Variants in CDHR2 observed in about 807,000 individuals in gnomAD.
CDHR2 encodes cadherin related family member 2, also known as cadherin-related family member 2.
Under a neutral mutation model 138.6 loss-of-function variants are expected in CDHR2, and 104 were observed. The observed-to-expected ratio is 0.75, with a 90% confidence interval of 0.64 to 0.88. The LOEUF is 0.88. Among genes scored for constraint, CDHR2 ranks in the 40% least tolerant of loss-of-function variants. CDHR2 has a pLI of 0.00. For missense variants in CDHR2, 1,624 were observed against 1,727.6 expected (o/e 0.94, Z 1.06); for synonymous variants, 755 against 742.8 (o/e 1.02, Z -0.27).
At chr5:176,592,835 A>C in intron 31 of CDHR2, 55 bp downstream of exon 31, 1 of 1,491,204 alleles carries the variant, frequency 6.7e-7, no homozygotes, top group Non-Finnish European at 9.4e-7. Flanking sequence ...TCTTCTGTGG[A>C]GGCTTCAGGG....
chr5:176,595,268 G>C (rs1038077114), intron 31 of CDHR2, among the ~76,000 whole-genome samples: 1 of 152,174 alleles, frequency 6.6e-6, no homozygotes, highest in Non-Finnish European at 1.5e-5. Flanking sequence ...TGGGCTGAAC[G>C]GCAGAGTGCC....
rs373539658 is a variant in CDHR2 at position 176,577,391 on chromosome 5, C to T, written c.1195-8C>T. On this transcript the variant is annotated splice_region_variant and splice_polypyrimidine_tract_variant and intron_variant, in intron 12 of 31. Transcript: ENST00000261944. ...GACAGGTCCCTGCTAGACAGCCCAC[C>T]TTTACAGGGCAGCAATGGCACCTTC... The T allele has an allele frequency of 7.3e-4, 1,173 of 1,604,164 alleles. No homozygotes were observed. Among genetic ancestry groups the T allele is most frequent in the Non-Finnish European group, 9.1e-4 (1,073 of 1,176,416 alleles).
chr5:176,574,013 G>A, intron 6 of CDHR2, 70 bp from the exon 7 acceptor site: 1 of 1,185,416 alleles, frequency 8.4e-7, no homozygotes, highest in South Asian at 1.3e-5. Flanking sequence ...TGAAGCTCAG[G>A]GGGGCAGTGA....
rs183606565 is a variant in CDHR2, at chr5:176,552,000, G to A, written c.-16+2586G>A. Among the ~76,000 whole-genome samples the A allele has an allele frequency of 2.0e-3, 311 of 152,170 alleles. 4 individuals are homozygous for A. Among genetic ancestry groups the A allele is most frequent in the Admixed American group, 5.8e-3 (89 of 15,284 alleles). On this transcript the variant is annotated intron_variant, in intron 1 of 31. Transcript: ENST00000261944. ...GCTGGGATTACAGGCGTGAGTCACC[G>A]CGCCCGGTTAATAGTTCCCATTTTT...
At chr5:176,582,933 C>T (rs573455426) in intron 17 of CDHR2, among the ~76,000 whole-genome samples, 135 of 152,316 alleles carry the variant, frequency 8.9e-4, no homozygotes, top group African/African-American at 3.1e-3. Context: ...GCACCTCTGC[C>T]GTGTCTGTGA....
At chr5:176,591,181 A>C in intron 28 of CDHR2, 29 bp from the exon 29 acceptor site, 2 of 1,477,264 alleles carry the variant, frequency 1.4e-6, no homozygotes, top group Non-Finnish European at 1.9e-6. Context: ...GTGCAGCAAC[A>C]GTGTGACCCC....
At position 176,577,510 on chromosome 5, in the gene CDHR2, T is replaced by C. The variant is rs1305579846; in HGVS notation, c.1306T>C (p.Ser436Pro). The C allele has an allele frequency of 6.2e-7, 1 of 1,612,794 alleles. No individual in the cohort carries two copies. The highest frequency in any genetic ancestry group is 1.7e-5 in the Admixed American group (1 of 59,802). The change falls in exon 13 of 32, where the codon TCC becomes CCC. Residue 436 changes from serine (S) to proline (P), a missense_variant. Physicochemically the swap from Ser to Pro is moderately conservative, Grantham distance 74. Around this residue, in one of 3 missense-constraint regions of CDHR2, gnomAD observed 1,061 missense variants for 1,136.6 expected, o/e 0.93. Coordinates refer to ENST00000261944, the MANE Select transcript of CDHR2 (RefSeq NM_017675.6). Reference sequence around the variant, plus strand: ...CTCCGTTCAGGTGCTGGTGAGAGTATCCGCGCTGGTGGACTACGAGAGGCA... The same window carrying C: ...CTCCGTTCAGGTGCTGGTGAGAGTACCCGCGCTGGTGGACTACGAGAGGCA... Reference protein sequence around the residue: ...SASVQVLVRVSALVDYERQTA... With the variant: ...SASVQVLVRVPALVDYERQTA...
intron 30 of CDHR2, 105 bp from the exon 31 acceptor site, chr5:176,592,618 G>T: frequency 1.2e-6 from 1 of 849,448 alleles, no homozygotes; most frequent in South Asian, 1.4e-5. Flanking sequence ...TGATGATGGT[G>T]GTAGTCGTGG....
At position 176,576,134 on chromosome 5, in the gene CDHR2, C is replaced by T; in HGVS notation, c.1143C>T (p.Ser381=). ...NFTGYVDEHA[S]PRIPIDDLTM... is the part of the protein sequence containing the mutation. ...CTGGCTACGTGGACGAGCATGCCTCCCCCCGCATCCCCATCGATGACCTCA... is the reference window on the plus strand; with the variant it reads ...CTGGCTACGTGGACGAGCATGCCTCTCCCCGCATCCCCATCGATGACCTCA... The change falls in exon 12 of 32, where the codon TCC becomes TCT. Residue 381 remains serine, a synonymous_variant. Coordinates refer to ENST00000261944, the MANE Select transcript of CDHR2 (RefSeq NM_017675.6). This position sits in a 1 kb window ranked among gnomAD's most constrained non-coding sequence, Gnocchi z 4.5. The T allele has an allele frequency of 6.2e-7, 1 of 1,614,038 alleles. No homozygotes were observed. The highest frequency in any genetic ancestry group is 2.2e-5 in the East Asian group (1 of 44,886).
At chr5:176,567,462 G>A (rs1262587961) in intron 3 of CDHR2, among the ~76,000 whole-genome samples, 1 of 151,790 alleles carries the variant, frequency 6.6e-6, no homozygotes, top group Non-Finnish European at 1.5e-5. Context: ...GAGCCACTGT[G>A]CACCACTACA....
Position 176,589,170 on chromosome 5 carries a change from C to T in CDHR2, c.2996C>T (p.Ala999Val), listed in dbSNP as rs375103110. The T allele has an allele frequency of 1.2e-6, 2 of 1,614,004 alleles. No individual in the cohort carries two copies. The highest frequency in any genetic ancestry group is 1.1e-5 in the South Asian group (1 of 91,094). The change falls in exon 22 of 32, where the codon GCT becomes GTT. Residue 999 changes from alanine (A) to valine (V), a missense_variant. Ala to Val is a moderately conservative substitution (Grantham distance 64). Around this residue, in one of 3 missense-constraint regions of CDHR2, gnomAD observed 556 missense variants for 565.7 expected, o/e 0.98. Transcript: ENST00000261944. Reference sequence around the variant, plus strand: ...ACCTCCTCCGAGGCCGACGTGTTCGCTGGGAGCATTCAGTAACTGCGGGCG... The same window carrying T: ...ACCTCCTCCGAGGCCGACGTGTTCGTTGGGAGCATTCAGTAACTGCGGGCG... ...IFTSSEADVF[A>V]GSIQPVTSLD...
intron 6 of CDHR2, among the ~76,000 whole-genome samples, chr5:176,572,086 G>C (rs1225823189): frequency 1.3e-5 from 2 of 151,940 alleles, no homozygotes; most frequent in African/African-American, 2.4e-5. Context: ...CTCATGTGGT[G>C]ATAAAAGTAC....
intron 1 of CDHR2, among the ~76,000 whole-genome samples, chr5:176,554,989 C>A (rs1757790281): frequency 6.6e-6 from 1 of 152,204 alleles, no homozygotes; most frequent in Non-Finnish European, 1.5e-5. Context: ...TAGTGCCCGG[C>A]TCAAGTTCTG....
In CDHR2 at chr5:176,554,732, C is replaced by T. The variant is rs1342179437; in HGVS notation, c.-16+5318C>T. On this transcript the variant is annotated intron_variant, in intron 1 of 31. Coordinates refer to ENST00000261944, the MANE Select transcript of CDHR2 (RefSeq NM_017675.6). ...CTGGAGTGCAGTGGCACGATCTCGG[C>T]TCACTGCAACCTCCACCTCCCGGGT... 3.3e-5 allele frequency among the ~76,000 whole-genome samples: 5 copies of T among 152,222 alleles called. No individual in the cohort carries two copies. In the East Asian group the frequency reaches 9.6e-4, roughly 29 times the overall value.
intron 5 of CDHR2, 120 bp downstream of exon 5, chr5:176,569,130 C>G: frequency 1.3e-6 from 1 of 781,992 alleles, no homozygotes; most frequent in South Asian, 1.9e-5. Context: ...TTATTTATAT[C>G]GAGATTATAC....
rs754134629 is a variant in CDHR2, at chr5:176,590,420, G to A, written c.3354-5G>A. 1.2e-6 allele frequency: 2 copies of A among 1,614,092 alleles called. No individual in the cohort carries two copies. Among genetic ancestry groups the A allele is most frequent in the East Asian group, 2.2e-5 (1 of 44,878 alleles). ...CCTCGGGCCTAAGTGGAGTTCTGTG[G>A]CCAGGATGATCCGGAATGATCAGGA... On this transcript the variant is annotated splice_polypyrimidine_tract_variant and splice_region_variant and intron_variant, in intron 26 of 31. Coordinates refer to ENST00000261944, the MANE Select transcript of CDHR2 (RefSeq NM_017675.6).
intron 6 of CDHR2, among the ~76,000 whole-genome samples, chr5:176,572,600 G>A (rs558534237): frequency 3.3e-5 from 5 of 152,218 alleles, no homozygotes; most frequent in East Asian, 3.9e-4. Context: ...GGCCTTCCCC[G>A]CAGCAAGGGG....
At chr5:176,548,024 C>T (rs1757622280), upstream of CDHR2, among the ~76,000 whole-genome samples, 1 of 152,148 alleles carries the variant, frequency 6.6e-6, no homozygotes, top group South Asian at 2.1e-4. Flanking sequence ...GCGGTACCAC[C>T]TACTACACAC....
At chr5:176,550,282 A>G (rs1757676331) in intron 1 of CDHR2, among the ~76,000 whole-genome samples, 1 of 152,196 alleles carries the variant, frequency 6.6e-6, no homozygotes, top group South Asian at 2.1e-4. Flanking sequence ...TGCACAACAA[A>G]TATGTGAAAT....
Sources: gnomAD v4.1 joint callset for allele counts (sites outside exome capture counted in the v4.1 genomes callset) on GRCh38, gnomAD v4.1.1 for gene constraint, gnomAD v4.1.1 regional missense constraint, Gnocchi (gnomAD v3.1) non-coding constraint, MANE v1.5 for transcripts, NCBI Gene and HGNC (gene_info 2026-07-23, HGNC 2026-07-21) for gene names.